Variants in ANKRD30A observed in about 807,000 individuals in gnomAD.
ANKRD30A encodes the protein ankyrin repeat domain 30A.
ANKRD30A carries 170 observed loss-of-function variants against 166.3 expected under a neutral mutation model. The ratio of observed to expected loss-of-function variants is 1.02; its 90% CI spans 0.90 to 1.16. The LOEUF is 1.16. ANKRD30A is among the 50% of genes most tolerant of loss of function. The probability of loss-of-function intolerance (pLI) is 0.00; values close to 1 mark genes in which losing one functional copy is unlikely to be tolerated. For synonymous variants in ANKRD30A, 564 were observed against 508.9 expected, an observed-to-expected ratio of 1.11 and a Z score of -1.46; for missense variants, 1,630 against 1,518.0, an observed-to-expected ratio of 1.07 and a Z score of -1.23.
chr10:37,263,940 T>TG, the ANKRD30A span, among the ~76,000 whole-genome samples: 49 of 152,224 alleles, frequency 3.2e-4, no homozygotes, highest in African/African-American at 1.1e-3. Context: ...TAACAGAACT[T>TG]GCATATGGAT....
downstream of ANKRD30A, among the ~76,000 whole-genome samples, chr10:37,234,670 C>G (rs892765018): frequency 1.3e-5 from 2 of 152,134 alleles, no homozygotes; most frequent in African/African-American, 4.8e-5. Context: ...AGACTCATTT[C>G]TACATTGATT....
At chr10:37,159,522 A>G (rs545991057) in intron 15 of ANKRD30A, among the ~76,000 whole-genome samples, 1 of 152,172 alleles carries the variant, frequency 6.6e-6, no homozygotes, top group Non-Finnish European at 1.5e-5. Flanking sequence ...GAAAAAGCAA[A>G]GAAATAAAAA....
chr10:37,260,885 T>G, the ANKRD30A span, among the ~76,000 whole-genome samples: 1 of 152,018 alleles, frequency 6.6e-6, no homozygotes, highest in Non-Finnish European at 1.5e-5. Flanking sequence ...CAATAGACAC[T>G]GGGGAACATG....
chr10:37,219,988 A>AATATATATATATATATATAT (rs71007624), intron 34 of ANKRD30A, 91 bp downstream of exon 34: 27 of 187,484 alleles, frequency 1.4e-4, no homozygotes, highest in Admixed American at 2.2e-4. Flanking sequence ...AATCTAGTTG[A>AATATATATATATATATATAT]ATATATATAT....
intron 15 of ANKRD30A, among the ~76,000 whole-genome samples, chr10:37,159,840 G>A (rs1242143634): frequency 2.0e-5 from 3 of 151,910 alleles, no homozygotes; most frequent in East Asian, 3.9e-4. Flanking sequence ...GACTCCAGGC[G>A]CCTGCCACCA....
At chr10:37,150,332 GTGTC>G (rs1837832132) in intron 11 of ANKRD30A, among the ~76,000 whole-genome samples, 1 of 151,986 alleles carries the variant, frequency 6.6e-6, no homozygotes, top group Admixed American at 6.6e-5. Flanking sequence ...GTGTGTGTGT[GTGTC>G]TGCGTGTGTT....
intron 27 of ANKRD30A, among the ~76,000 whole-genome samples, chr10:37,194,264 A>G (rs192892741): frequency 5.3e-4 from 80 of 152,216 alleles, no homozygotes; most frequent in Non-Finnish European, 9.9e-4. Flanking sequence ...ATTTGTTTTC[A>G]TGTCTTATAG....
chr10:37,250,982 A>C, the ANKRD30A span, among the ~76,000 whole-genome samples: 1 of 152,222 alleles, frequency 6.6e-6, no homozygotes, highest in African/African-American at 2.4e-5. Flanking sequence ...CACCCCAGTC[A>C]AGATAACTAC....
Position 37,193,158 on chromosome 10 carries a change from TAATTGTTTTGTTTCTAAACCC to T in ANKRD30A, c.2542-26_2542-6del. On this transcript the variant is annotated splice_polypyrimidine_tract_variant and splice_region_variant and intron_variant, in intron 26 of 35. Coordinates refer to ENST00000361713, the MANE Select transcript of ANKRD30A (RefSeq NM_052997.3). Reference sequence around the variant, plus strand: ...ATTTTATGAAGTATACATTGTATATTAATTGTTTTGTTTCTAAACCCATTTAGGCTCCCTGCAGAATGAAAG... The same window carrying T: ...ATTTTATGAAGTATACATTGTATATTATTTAGGCTCCCTGCAGAATGAAAG... 6.2e-7 allele frequency: 1 copy of T among 1,609,710 alleles called. No individual in the cohort carries two copies. Among genetic ancestry groups the T allele is most frequent in the Non-Finnish European group, 8.5e-7 (1 of 1,177,442 alleles).
chr10:37,135,742 G>T (rs1304413203), intron 5 of ANKRD30A, among the ~76,000 whole-genome samples: 1 of 152,132 alleles, frequency 6.6e-6, no homozygotes, highest in African/African-American at 2.4e-5. Context: ...TCTGCCCTTG[G>T]TGTGATTGAT....
intron 27 of ANKRD30A, among the ~76,000 whole-genome samples, chr10:37,193,739 C>G (rs928289316): frequency 6.6e-5 from 10 of 152,106 alleles, no homozygotes; most frequent in African/African-American, 2.2e-4. Flanking sequence ...AAAAATCAGT[C>G]AAGCAATCAT....
In ANKRD30A at chr10:37,178,472, G is replaced by A. The variant is rs558845162; in HGVS notation, c.2421+2254G>A. On this transcript the variant is annotated intron_variant, in intron 24 of 35. Transcript: ENST00000361713. ...CTGCATTTTTAAAAAGTTCTCAGGT[G>A]ATGCTGATGCTGGTGGTCCTTGGAC... 1,925 of 921,108 alleles carry A rather than the reference G, an allele frequency of 2.1e-3. 2 individuals are homozygous for A. In the African/African-American group the frequency reaches 0.033, roughly 16 times the overall value. The allele number at this position is 921,108 out of a possible 1,614,324, so 57.1% of individuals were successfully genotyped here. A position where few individuals can be genotyped will look rare whatever the true frequency, so the allele number is the denominator to read the frequency against.
chr10:37,260,098 T>A, the ANKRD30A span, among the ~76,000 whole-genome samples: 1 of 151,338 alleles, frequency 6.6e-6, no homozygotes, highest in East Asian at 2.0e-4. Context: ...TATTCTTTCC[T>A]TTTGTGTATG....
intron 9 of ANKRD30A, among the ~76,000 whole-genome samples, chr10:37,148,592 T>C (rs919551714): frequency 1.3e-5 from 2 of 151,990 alleles, no homozygotes; most frequent in African/African-American, 4.8e-5. Flanking sequence ...GCTTCAGATG[T>C]GTTTAGATTA....
the ANKRD30A span, among the ~76,000 whole-genome samples, chr10:37,240,095 G>T: frequency 6.6e-6 from 1 of 151,944 alleles, no homozygotes; most frequent in Non-Finnish European, 1.5e-5. Flanking sequence ...ACATCAGTTG[G>T]CTATTGTTTG....
At chr10:37,164,998 C>T in intron 17 of ANKRD30A, 96 bp from the exon 18 acceptor site, 1 of 1,309,866 alleles carries the variant, frequency 7.6e-7, no homozygotes, top group East Asian at 2.4e-5. Context: ...AGAGGAAAAT[C>T]CACAGATTCG....
chr10:37,265,371 G>A, the ANKRD30A span, among the ~76,000 whole-genome samples: 1 of 152,096 alleles, frequency 6.6e-6, no homozygotes, highest in Non-Finnish European at 1.5e-5. Flanking sequence ...CCACCCTGGG[G>A]TTGCCCGCAG....
At chr10:37,198,108 TAG>T (rs1322182943) in intron 29 of ANKRD30A, among the ~76,000 whole-genome samples, 1 of 152,168 alleles carries the variant, frequency 6.6e-6, no homozygotes, top group Non-Finnish European at 1.5e-5. Flanking sequence ...TGTTTGGCTT[TAG>T]AGTCTTTTTA....
chr10:37,193,218 T>G lies in ANKRD30A; in HGVS notation c.2574T>G (p.Thr858=). 1 of 1,612,022 alleles carries G rather than the reference T, an allele frequency of 6.2e-7. No homozygotes were observed. Among genetic ancestry groups the G allele is most frequent in the Non-Finnish European group, 8.5e-7 (1 of 1,179,352 alleles). The stretch of plus-strand genomic sequence containing the variant: ...GCAGAATGAAAGTTTCTATTCCAAC[T>G]AAAGCCTTAGAATTGATGGACATGC... ...APCRMKVSIP[T]KALELMDMQT... The change falls in exon 27 of 36, where the codon ACT becomes ACG. Residue 858 remains threonine, a synonymous_variant. Coordinates refer to ENST00000361713, the MANE Select transcript of ANKRD30A (RefSeq NM_052997.3).
Sources: gnomAD v4.1 joint callset for allele counts (sites outside exome capture counted in the v4.1 genomes callset) on GRCh38, gnomAD v4.1.1 for gene constraint, MANE v1.5 for transcripts, NCBI Gene and HGNC (gene_info 2026-07-23, HGNC 2026-07-21) for gene names.